Variants in AHDC1 observed in about 807,000 individuals in gnomAD.
AHDC1 encodes the protein AT-hook DNA binding motif containing 1.
Under a neutral mutation model 87.9 loss-of-function variants are expected in AHDC1, and 7 were observed. That is an observed-to-expected ratio of 0.08 (90% CI 0.05 to 0.15). The LOEUF (loss-of-function observed/expected upper bound fraction) is 0.15. AHDC1 is among the 10% of genes least tolerant of loss of function. The probability of loss-of-function intolerance (pLI) is 1.00; values close to 1 mark genes in which losing one functional copy is unlikely to be tolerated. For missense variants in AHDC1, 1,841 were observed against 2,253.2 expected (o/e 0.82, Z 3.70); for synonymous variants, 1,051 against 1,006.8 (o/e 1.04, Z -0.83).
At chr1:27,569,566 C>T (rs1394500994) in intron 3 of AHDC1, among the ~76,000 whole-genome samples, 1 of 152,176 alleles carries the variant, frequency 6.6e-6, no homozygotes, top group Non-Finnish European at 1.5e-5. Flanking sequence ...CTGTCACAGT[C>T]TAGTACCAGG....
At position 27,550,993 on chromosome 1, in the gene AHDC1, C is replaced by T. The variant is rs762676901; in HGVS notation, c.1123G>A (p.Gly375Arg). 2.8e-5 allele frequency: 44 copies of T among 1,579,186 alleles called. No homozygotes were observed. The highest frequency in any genetic ancestry group is 1.1e-4 in the East Asian group (5 of 44,272). ...LDLCSPHGPP[G>R]PEGHPKYALR... is the part of the protein sequence containing the mutation. The stretch of plus-strand genomic sequence containing the variant: ...GCGTACTTGGGGTGACCCTCAGGCC[C>T]GGGGGGGCCGTGCGGTGAGCACAAG... Residue 375 changes from glycine to arginine, a missense_variant, in exon 8 of 9, where the codon GGG becomes AGG. Physicochemically the swap from Gly to Arg is moderately radical, Grantham distance 125. Transcript: ENST00000673934.
At chr1:27,576,092 C>G (rs1202265728) in intron 3 of AHDC1, among the ~76,000 whole-genome samples, 1 of 152,040 alleles carries the variant, frequency 6.6e-6, no homozygotes, top group Admixed American at 6.5e-5. Flanking sequence ...CCTGCACGCC[C>G]CTCCTGCAGA....
In AHDC1 at chr1:27,551,460, G is replaced by A. The variant is rs773993918; in HGVS notation, c.656C>T (p.Thr219Met). ...TGGGGGCAGACCCGTGGCCGCAGCC[G>A]TGGCTCCGGGACTATGGCCTTGGCC... ...QPGQGHSPGA[T>M]AAATGLPPEP... Residue 219 changes from threonine (T) to methionine (M), a missense_variant, in exon 8 of 9, where the codon ACG (threonine) becomes ATG (methionine). Physicochemically the swap from Thr to Met is moderately conservative, Grantham distance 81 (BLOSUM62 -1). Transcript: ENST00000673934. 37 of 1,611,126 alleles carry A rather than the reference G, an allele frequency of 2.3e-5. No homozygotes were observed. The highest frequency in any genetic ancestry group is 6.7e-5 in the Admixed American group (4 of 59,960).
rs575848209 is a variant in AHDC1 at position 27,543,136 on chromosome 1, C to A, written c.*43+4125G>T. Among the ~76,000 whole-genome samples, 17 of 152,344 alleles carry A rather than the reference C, an allele frequency of 1.1e-4. No homozygotes were observed. In the East Asian group the frequency reaches 3.3e-3, roughly 29 times the overall value. ...CTTCCTGCTTCAGTCAGGCCCTAGC[C>A]GCGTAACCTTGGAGGACCTGTGACA... On this transcript the variant is annotated intron_variant, in intron 8 of 8. Coordinates refer to ENST00000673934, the MANE Select transcript of AHDC1 (RefSeq NM_001371928.1).
At chr1:27,552,709 T>A (rs576972464) in intron 7 of AHDC1, 183 bp downstream of exon 7, 1 of 152,740 alleles carries the variant, frequency 6.5e-6, no homozygotes, top group African/African-American at 2.4e-5. Flanking sequence ...GTTTCACTTA[T>A]TGACAGCTCA....
intron 8 of AHDC1, among the ~76,000 whole-genome samples, chr1:27,539,196 G>A (rs2018794575): frequency 6.8e-6 from 1 of 147,990 alleles, no homozygotes; most frequent in Non-Finnish European, 1.5e-5. Flanking sequence ...CTGCAGTGCA[G>A]TGTCATGATC....
chr1:27,534,272 G>GTT lies in AHDC1; in HGVS notation c.*686_*687dup, dbSNP rs1208219359. ...GGTTTTTTTTTTTTGTTTTTTTTTT[G>GTT]TTTTTTTTTTGCTTTTTTTCATTTC... On this transcript the variant is annotated 3_prime_UTR_variant, in exon 9 of 9. Coordinates refer to ENST00000673934, the MANE Select transcript of AHDC1 (RefSeq NM_001371928.1). 1.3e-5 allele frequency: 1 copy of GTT among 79,094 alleles called. No homozygotes were observed. The highest frequency in any genetic ancestry group is 4.9e-5 in the African/African-American group (1 of 20,482). The allele number at this position is 79,094 out of a possible 1,614,324, so 4.9% of individuals were successfully genotyped here.
intron 5 of AHDC1, 156 bp from the exon 6 acceptor site, chr1:27,553,341 G>A (rs556748493): frequency 6.6e-6 from 1 of 152,360 alleles, no homozygotes; most frequent in East Asian, 1.9e-4. Flanking sequence ...AAGAAATGGA[G>A]GCTCAGAGAT....
chr1:27,581,973 T>C (rs1386057095), intron 3 of AHDC1, among the ~76,000 whole-genome samples: 2 of 152,172 alleles, frequency 1.3e-5, no homozygotes, highest in Admixed American at 1.3e-4. Context: ...AATCACACAG[T>C]GTCTCAGGCC....
rs1044582153 is a variant in AHDC1 at position 27,563,655 on chromosome 1, CCA to C, written c.-628-4774_-628-4773del. On this transcript the variant is annotated intron_variant, in intron 3 of 8. Transcript: ENST00000673934. This position sits in a 1 kb window ranked among gnomAD's most constrained non-coding sequence, Gnocchi z 6.1. The stretch of plus-strand genomic sequence containing the variant: ...CCAGCACTGCCAGAGCCGGGCACAG[CCA>C]CACATTGCCCCAGTGACAAACACCA... Among the ~76,000 whole-genome samples the C allele has an allele frequency of 2.0e-5, 3 of 152,224 alleles. No individual in the cohort carries two copies. The highest frequency in any genetic ancestry group is 4.8e-5 in the African/African-American group (2 of 41,448).
intron 3 of AHDC1, among the ~76,000 whole-genome samples, chr1:27,567,666 C>T (rs1168443287): frequency 6.6e-6 from 1 of 152,186 alleles, no homozygotes; most frequent in African/African-American, 2.4e-5. Flanking sequence ...CAACTTGGAA[C>T]CTCCCACCTG....
intron 3 of AHDC1, among the ~76,000 whole-genome samples, chr1:27,588,113 T>C (rs1385490590): frequency 1.3e-5 from 2 of 152,226 alleles, no homozygotes; most frequent in Admixed American, 6.5e-5. Context: ...TCTGGCCTCT[T>C]TGCAGTGTCT....
intron 3 of AHDC1, among the ~76,000 whole-genome samples, chr1:27,602,990 C>CG (rs1557717121): frequency 7.2e-6 from 1 of 139,520 alleles, no homozygotes; most frequent in African/African-American, 2.6e-5. Context: ...CTTCATTCCC[C>CG]CCCCCCCCAC....
intron 3 of AHDC1, among the ~76,000 whole-genome samples, chr1:27,589,666 T>G (rs1171198969): frequency 6.6e-6 from 1 of 152,160 alleles, no homozygotes; most frequent in Non-Finnish European, 1.5e-5. Flanking sequence ...TCTAGGTCTG[T>G]GTGATGTTTG....
At position 27,590,828 on chromosome 1, in the gene AHDC1, G is replaced by A. The variant is rs1165636787; in HGVS notation, c.-629+12569C>T. Among the ~76,000 whole-genome samples, 3 of 152,162 alleles carry A rather than the reference G, an allele frequency of 2.0e-5. No individual in the cohort carries two copies. The highest frequency in any genetic ancestry group is 6.5e-5 in the Admixed American group (1 of 15,288). ...AGCTCTTTCTTTCTCGTGGGAGGGT[G>A]CAATTTCCGGAGGGGATGAGCATCA... On this transcript the variant is annotated intron_variant, in intron 3 of 8. Transcript: ENST00000673934. The surrounding 1 kb of genome is among the most constrained non-coding windows in gnomAD (Gnocchi z 5.4).
At chr1:27,584,155 G>A (rs1334463671) in intron 3 of AHDC1, among the ~76,000 whole-genome samples, 1 of 152,224 alleles carries the variant, frequency 6.6e-6, no homozygotes, top group African/African-American at 2.4e-5. Context: ...GAGAGGGAAA[G>A]CAGCTCCCAG....
At position 27,540,146 on chromosome 1, in the gene AHDC1, A is replaced by G. The variant is rs780241211; in HGVS notation, c.*44-5230T>C. Among the ~76,000 whole-genome samples, 155 of 152,162 alleles carry G rather than the reference A, an allele frequency of 1.0e-3. 4 individuals carry two copies. Among genetic ancestry groups the G allele is most frequent in the Admixed American group, 9.2e-4 (14 of 15,286 alleles). On this transcript the variant is annotated intron_variant, in intron 8 of 8. Coordinates refer to ENST00000673934, the MANE Select transcript of AHDC1 (RefSeq NM_001371928.1). The stretch of plus-strand genomic sequence containing the variant: ...TCCTGGCTCTACCTTCTGTGCTTCA[A>G]TGACCAGGTGGCTCTGAGTCCTCAG...
In AHDC1 at chr1:27,563,437, C is replaced by T. The variant is rs1203030178; in HGVS notation, c.-628-4554G>A. 6.6e-6 allele frequency among the ~76,000 whole-genome samples: 1 copy of T among 152,224 alleles called. No homozygotes were observed. The highest frequency in any genetic ancestry group is 6.5e-5 in the Admixed American group (1 of 15,290). On this transcript the variant is annotated intron_variant, in intron 3 of 8. Coordinates refer to ENST00000673934, the MANE Select transcript of AHDC1 (RefSeq NM_001371928.1). The surrounding 1 kb of genome is among the most constrained non-coding windows in gnomAD (Gnocchi z 6.1). The stretch of plus-strand genomic sequence containing the variant: ...CCTCCACCCACCACACAGCATGAGG[C>T]AGGGACATAACCTCGCCCCTGCCTG...
At chr1:27,568,654 G>C (rs578029875) in intron 3 of AHDC1, among the ~76,000 whole-genome samples, 1 of 151,934 alleles carries the variant, frequency 6.6e-6, no homozygotes, top group African/African-American at 2.4e-5. Flanking sequence ...GCTAGGGGCG[G>C]GGTCGGGGCT....
Sources: allele counts gnomAD v4.1 joint callset (sites outside exome capture counted in the v4.1 genomes callset), GRCh38; gene constraint gnomAD v4.1.1; non-coding constraint Gnocchi (gnomAD v3.1); transcripts MANE v1.5; gene names NCBI Gene and HGNC (gene_info 2026-07-23, HGNC 2026-07-21).